The following PCDHGB6 variants were observed in gnomAD, a reference collection of about 807,000 sequenced individuals.
The protein encoded by PCDHGB6 is protocadherin gamma-B6.
A neutral mutation model predicts 59.1 loss-of-function variants in PCDHGB6; 51 were observed. That is an observed-to-expected ratio of 0.86 (90% CI 0.69 to 1.09). The LOEUF (loss-of-function observed/expected upper bound fraction) is 1.09, where lower values mean the gene tolerates loss of function less well. Among genes scored for constraint, PCDHGB6 ranks in the 50% least tolerant of loss-of-function variants. PCDHGB6 has a pLI of 0.00. For synonymous variants in PCDHGB6, 466 were observed against 495.1 expected, an observed-to-expected ratio of 0.94 and a Z score of 0.78; for missense variants, 1,148 against 1,205.1, an observed-to-expected ratio of 0.95 and a Z score of 0.70.
At chr5:141,413,444 C>T (rs2095641519) in intron 1 of PCDHGB6, 2 of 1,613,998 alleles carry the variant, frequency 1.2e-6, no homozygotes, top group Non-Finnish European at 1.7e-6. Context: ...AGCTTGATCA[C>T]CGCGGGCAGG....
intron 1 of PCDHGB6, among the ~76,000 whole-genome samples, chr5:141,465,779 GT>G (rs879859429): frequency 5.2e-4 from 76 of 145,138 alleles, no homozygotes; most frequent in South Asian, 1.1e-3. Flanking sequence ...TCTTGTTACA[GT>G]TTTTTTTTTT....
chr5:141,459,909 G>A (rs7446907), intron 1 of PCDHGB6, among the ~76,000 whole-genome samples: 42,418 of 152,010 alleles, frequency 0.28, 6,645 homozygotes, highest in African/African-American at 0.43. Flanking sequence ...TGAGCTATGG[G>A]AGTTTTAAAA....
chr5:141,424,140 C>A, intron 1 of PCDHGB6: 1 of 356,082 alleles, frequency 2.8e-6, no homozygotes, highest in Non-Finnish European at 4.1e-6. Flanking sequence ...TAATAGCATG[C>A]TCCCTCTAGC....
chr5:141,449,147 G>T (rs2098630156), intron 1 of PCDHGB6, among the ~76,000 whole-genome samples: 1 of 152,110 alleles, frequency 6.6e-6, no homozygotes, highest in African/African-American at 2.4e-5. Flanking sequence ...AAATTGCTGG[G>T]TCAAAGAGGA....
chr5:141,413,833 G>A (rs917295013), intron 1 of PCDHGB6: 1 of 1,613,276 alleles, frequency 6.2e-7, no homozygotes, highest in Non-Finnish European at 8.5e-7. Context: ...CACCGCCTCC[G>A]ACGGGGGTGA....
Position 141,422,925 on chromosome 5 carries a change from T to G in PCDHGB6, c.2418+12305T>G, listed in dbSNP as rs568894245. On this transcript the variant is annotated intron_variant, in intron 1 of 3. Transcript: ENST00000520790. ...ACAATGCGCCCGAGATCCTGTACCC[T>G]GCCCTCCCCACAGACGGCTCCACTG... 1.9e-6 allele frequency: 3 copies of G among 1,614,202 alleles called. No individual in the cohort carries two copies. The Admixed American group carries it at 5.0e-5, about 27-fold the overall frequency.
At chr5:141,458,787 C>A (rs968490647) in intron 1 of PCDHGB6, among the ~76,000 whole-genome samples, 1 of 152,004 alleles carries the variant, frequency 6.6e-6, no homozygotes, top group African/African-American at 2.4e-5. Flanking sequence ...GGCTGGAGTG[C>A]AGTGGTGTGA....
Position 141,491,543 on chromosome 5 carries a change from A to G in PCDHGB6, c.2419-3264A>G. 6.2e-7 allele frequency: 1 copy of G among 1,613,842 alleles called. No individual in the cohort carries two copies. The highest frequency in any genetic ancestry group is 8.5e-7 in the Non-Finnish European group (1 of 1,179,982). ...ATGGAGGTGACGCTGCGGCCCACAG[A>G]CTCGCAGAGCCACTGCTACAGGACG... On this transcript the variant is annotated intron_variant, in intron 1 of 3. Coordinates refer to ENST00000520790, the MANE Select transcript of PCDHGB6 (RefSeq NM_018926.3). The surrounding 1 kb of genome is among the most constrained non-coding windows in gnomAD (Gnocchi z 6.9).
At chr5:141,426,714 C>T (rs779529448) in intron 1 of PCDHGB6, 2 of 444,724 alleles carry the variant, frequency 4.5e-6, no homozygotes, top group South Asian at 3.1e-5. Flanking sequence ...AATCAATGAA[C>T]TAGCAATTCC....
At chr5:141,424,841 C>A (rs1303241053) in intron 1 of PCDHGB6, among the ~76,000 whole-genome samples, 1 of 152,126 alleles carries the variant, frequency 6.6e-6, no homozygotes. Context: ...TACATGTTAT[C>A]TGAAGCAATG....
intron 1 of PCDHGB6, chr5:141,413,452 AGGATAGACC>A (rs2095643065): frequency 6.2e-7 from 1 of 1,614,124 alleles, no homozygotes; most frequent in Admixed American, 1.7e-5. Context: ...CACCGCGGGC[AGGATAGACC>A]GGGAGGAGCT....
chr5:141,473,033 GGAAA>G (rs1282468299), intron 1 of PCDHGB6, among the ~76,000 whole-genome samples: 6 of 146,356 alleles, frequency 4.1e-5, no homozygotes, highest in South Asian at 2.2e-4. Flanking sequence ...AAGGAAGGAA[GGAAA>G]GAAAGAAAGA....
chr5:141,413,668 G>T lies in PCDHGB6; in HGVS notation c.2418+3048G>T, dbSNP rs1286766786. ...TCCTCTCCCGGAAGCTATTGATCCG[G>T]ATGTGGGCGTGAACTCCCTGCAGAG... is the stretch of plus-strand genomic sequence containing the variant. On this transcript the variant is annotated intron_variant, in intron 1 of 3. Transcript: ENST00000520790. 6 of 1,613,754 alleles carry T rather than the reference G, an allele frequency of 3.7e-6. No homozygotes were observed. The Admixed American group carries it at 8.3e-5, about 22-fold the overall frequency.
intron 2 of PCDHGB6, among the ~76,000 whole-genome samples, chr5:141,501,159 C>G (rs1475164887): frequency 6.6e-6 from 1 of 152,096 alleles, no homozygotes; most frequent in East Asian, 1.9e-4. Context: ...GAGCCACCAT[C>G]CCCAGCCTCA....
chr5:141,423,447 T>C (rs1347619382), intron 1 of PCDHGB6: 1 of 1,613,880 alleles, frequency 6.2e-7, no homozygotes, highest in Admixed American at 1.7e-5. Context: ...CCACGTCACA[T>C]TTTGTAGGCG....
chr5:141,414,615 G>T, intron 1 of PCDHGB6: 1 of 1,613,962 alleles, frequency 6.2e-7, no homozygotes, highest in Non-Finnish European at 8.5e-7. Flanking sequence ...CAGTGACAGC[G>T]CTGGACCCGG....
Position 141,410,060 on chromosome 5 carries a change from G to C in PCDHGB6, c.1858G>C (p.Gly620Arg). The change falls in exon 1 of 4, where the codon GGG becomes CGG. Residue 620 changes from glycine (G) to arginine (R), a missense_variant. Coordinates refer to ENST00000520790, the MANE Select transcript of PCDHGB6 (RefSeq NM_018926.3). ...QASEPGLFSLGLRTGEVRTAR... is the reference protein window; with the variant it reads ...QASEPGLFSLRLRTGEVRTAR... ...CAGTGAGCCCGGACTCTTCAGCCTGGGGCTGCGCACTGGGGAGGTGCGCAC... is the reference window on the plus strand; with the variant it reads ...CAGTGAGCCCGGACTCTTCAGCCTGCGGCTGCGCACTGGGGAGGTGCGCAC... 1 of 1,613,108 alleles carries C rather than the reference G, an allele frequency of 6.2e-7. No individual in the cohort carries two copies. The highest frequency in any genetic ancestry group is 8.5e-7 in the Non-Finnish European group (1 of 1,179,774).
At chr5:141,498,709 A>G (rs1245852373) in intron 2 of PCDHGB6, among the ~76,000 whole-genome samples, 2 of 152,148 alleles carry the variant, frequency 1.3e-5, no homozygotes, top group African/African-American at 4.8e-5. Context: ...AGGTGGGTGG[A>G]TCACCTGAGG....
rs2734872 is a variant in PCDHGB6 at position 141,474,454 on chromosome 5, C to T, written c.2419-20353C>T. On this transcript the variant is annotated intron_variant, in intron 1 of 3. Transcript: ENST00000520790. ...ACACTTTGAGTAGCAAGTGATTGGG[C>T]TATACTCTTTATTCTAAATTCTAAA... Among the ~76,000 whole-genome samples, 6 of 152,308 alleles carry T rather than the reference C, an allele frequency of 3.9e-5. No individual in the cohort carries two copies. The East Asian group carries it at 1.2e-3, about 29-fold the overall frequency.
Sources: gnomAD v4.1 joint callset for allele counts (sites outside exome capture counted in the v4.1 genomes callset) on GRCh38, gnomAD v4.1.1 for gene constraint, Gnocchi (gnomAD v3.1) non-coding constraint, MANE v1.5 for transcripts, NCBI Gene and HGNC (gene_info 2026-07-23, HGNC 2026-07-21) for gene names.